The following OCA2 variants were observed in gnomAD, a reference collection of about 807,000 sequenced individuals.
OCA2 encodes OCA2 melanosomal transmembrane protein.
OCA2 carries 77 observed loss-of-function variants against 100.2 expected under a neutral mutation model. That is an observed-to-expected ratio of 0.77 (90% CI 0.64 to 0.93). OCA2 has a LOEUF of 0.93. Among genes scored for constraint, OCA2 ranks in the 40% least tolerant of loss-of-function variants. OCA2 has a pLI of 0.00. For missense variants in OCA2, 1,062 were observed against 1,089.1 expected, an observed-to-expected ratio of 0.98 and a Z score of 0.35; for synonymous variants, 432 against 439.2, an observed-to-expected ratio of 0.98 and a Z score of 0.21.
chr15:27,742,767 C>T, the OCA2 span, among the ~76,000 whole-genome samples: 3 of 152,284 alleles, frequency 2.0e-5, no homozygotes, highest in Admixed American at 6.5e-5. Flanking sequence ...CGAAATGATG[C>T]GTTAGTCCAC....
chr15:27,888,515 C>A (rs1172117935), intron 19 of OCA2, among the ~76,000 whole-genome samples: 1 of 151,920 alleles, frequency 6.6e-6, no homozygotes, highest in African/African-American at 2.4e-5. Flanking sequence ...TTTAAAGCAG[C>A]CTTCCTAAAA....
chr15:28,054,826 G>C (rs546114422), intron 2 of OCA2, among the ~76,000 whole-genome samples: 239 of 152,282 alleles, frequency 1.6e-3, no homozygotes, highest in Middle Eastern at 3.4e-3. Context: ...GGCTGGGAAG[G>C]CCTCAGAAAA....
chr15:27,824,259 T>C (rs933283510), intron 23 of OCA2, among the ~76,000 whole-genome samples: 3 of 151,952 alleles, frequency 2.0e-5, no homozygotes, highest in East Asian at 1.9e-4. Flanking sequence ...TCCCAGCTAC[T>C]TGGGAGGCTG....
chr15:27,990,693 G>T, intron 9 of OCA2, 46 bp from the exon 10 acceptor site: 1 of 1,543,970 alleles, frequency 6.5e-7, no homozygotes, highest in Non-Finnish European at 9.0e-7. Context: ...GCACGAGGGA[G>T]TTAGCACACA....
At chr15:27,816,373 T>C (rs1308687831) in intron 23 of OCA2, among the ~76,000 whole-genome samples, 2 of 152,124 alleles carry the variant, frequency 1.3e-5, no homozygotes, top group Non-Finnish European at 2.9e-5. Context: ...CTTACCCAGG[T>C]AAAATGTTAT....
chr15:27,756,929 G>A (rs540165254), intron 23 of OCA2, among the ~76,000 whole-genome samples: 2 of 152,288 alleles, frequency 1.3e-5, no homozygotes, highest in South Asian at 4.2e-4. Context: ...TGGCACCAAC[G>A]CAGAGAAGGA....
At chr15:27,922,680 GGTGTGTGTGTGTGTGTGTGTGTGTGTGT>G (rs60426286) in intron 19 of OCA2, among the ~76,000 whole-genome samples, 1 of 147,114 alleles carries the variant, frequency 6.8e-6, no homozygotes, top group Non-Finnish European at 1.5e-5. Flanking sequence ...TTTTGTTTGG[GGTGTGTGTGTGTGTGTGTGTGTGTGTGT>G]GTGTGTGTGT....
chr15:27,890,926 G>C (rs2037432158), intron 19 of OCA2, among the ~76,000 whole-genome samples: 3 of 151,984 alleles, frequency 2.0e-5, no homozygotes, highest in African/African-American at 7.3e-5. Flanking sequence ...TTTGGAAGCT[G>C]AGGCAGGAAA....
intron 19 of OCA2, among the ~76,000 whole-genome samples, chr15:27,899,790 G>A (rs1388542832): frequency 6.6e-6 from 1 of 152,184 alleles, no homozygotes; most frequent in Non-Finnish European, 1.5e-5. Context: ...ACAGCATGCA[G>A]TATGTGCTTA....
At chr15:27,864,034 G>A (rs2036231715) in intron 21 of OCA2, among the ~76,000 whole-genome samples, 1 of 152,062 alleles carries the variant, frequency 6.6e-6, no homozygotes, top group African/African-American at 2.4e-5. Context: ...TGTGGACCAT[G>A]GAAGATGGGA....
intron 2 of OCA2, among the ~76,000 whole-genome samples, chr15:28,064,357 TTC>T (rs149501086): frequency 1.5e-4 from 23 of 149,728 alleles, no homozygotes; most frequent in Non-Finnish European, 1.9e-4. Flanking sequence ...TTCTGGTCCT[TTC>T]TCTCTCTCTC....
intron 9 of OCA2, among the ~76,000 whole-genome samples, chr15:28,009,312 AT>A (rs2042172570): frequency 6.6e-6 from 1 of 152,194 alleles, no homozygotes; most frequent in Non-Finnish European, 1.5e-5. Context: ...TTACACTAGT[AT>A]TATAAGAAAG....
At chr15:27,775,685 T>C (rs2032169317) in intron 23 of OCA2, 1 of 152,238 alleles carries the variant, frequency 6.6e-6, no homozygotes, top group African/African-American at 2.4e-5. Context: ...CTGTTCTCTC[T>C]CAGTTCTAAA....
intron 23 of OCA2, among the ~76,000 whole-genome samples, chr15:27,781,304 C>T (rs955947276): frequency 6.6e-6 from 1 of 152,194 alleles, no homozygotes; most frequent in Non-Finnish European, 1.5e-5. Flanking sequence ...CCAGTTCCTA[C>T]CACTCTTTCT....
chr15:27,913,914 AGC>A (rs1359016250), intron 19 of OCA2, among the ~76,000 whole-genome samples: 10 of 60,312 alleles, frequency 1.7e-4, no homozygotes, highest in African/African-American at 8.4e-4. Flanking sequence ...CAAGCAAGCA[AGC>A]AAGCAAGCAA....
At chr15:27,937,569 C>T (rs2594934) in intron 18 of OCA2, among the ~76,000 whole-genome samples, 73,686 of 152,104 alleles carry the variant, frequency 0.48, 21,668 homozygotes, top group East Asian at 0.8. Flanking sequence ...GCACTCAGTA[C>T]TGTCAGTCTT....
chr15:28,061,120 C>T (rs1405133837), intron 2 of OCA2, among the ~76,000 whole-genome samples: 3 of 152,208 alleles, frequency 2.0e-5, no homozygotes, highest in African/African-American at 4.8e-5. Context: ...CAGGGCTGTA[C>T]GTGTGCCCAA....
rs148894313 is a variant in OCA2 at position 27,851,449 on chromosome 15, G to A, written c.2271C>T (p.His757=). 140 of 1,613,778 alleles carry A rather than the reference G, an allele frequency of 8.7e-5. No individual in the cohort carries two copies. Among genetic ancestry groups the A allele is most frequent in the Middle Eastern group, 1.6e-4 (1 of 6,062 alleles). ...TMIPVLLNLS[H]DPEVGLPAPP... is the part of the protein sequence containing the mutation. ...GTGCGGGCAGGCCAACCTCAGGGTC[G>A]TGGCTCAGGTTCAGGAGCACGGGAA... The change falls in exon 22 of 24, where the codon CAC becomes CAT. Residue 757 remains histidine, a synonymous_variant. Coordinates refer to ENST00000354638, the MANE Select transcript of OCA2 (RefSeq NM_000275.3).
intron 1 of OCA2, among the ~76,000 whole-genome samples, chr15:28,098,056 A>G (rs2045018937): frequency 6.6e-6 from 1 of 152,210 alleles, no homozygotes; most frequent in Admixed American, 6.5e-5. Flanking sequence ...TGATATCCTC[A>G]GATCTCAGCT....
Sources: gnomAD v4.1 joint callset for allele counts (sites outside exome capture counted in the v4.1 genomes callset) on GRCh38, gnomAD v4.1.1 for gene constraint, MANE v1.5 for transcripts, NCBI Gene and HGNC (gene_info 2026-07-23, HGNC 2026-07-21) for gene names.